The following LCMT1 variants were observed in gnomAD, a reference collection of about 807,000 sequenced individuals.
LCMT1 encodes [Phosphatase 2A protein]-leucine-carboxy methyltransferase 1.
LCMT1 carries 32 observed loss-of-function variants against 47.7 expected under a neutral mutation model. The observed-to-expected ratio is 0.67, with a 90% confidence interval of 0.51 to 0.90. The LOEUF (loss-of-function observed/expected upper bound fraction) is 0.90, where lower values mean the gene tolerates loss of function less well. LCMT1 is among the 40% of genes least tolerant of loss of function. The probability of loss-of-function intolerance (pLI) is 0.00; values close to 1 mark genes in which losing one functional copy is unlikely to be tolerated. For synonymous variants in LCMT1, 152 were observed against 149.7 expected, an observed-to-expected ratio of 1.02 and a Z score of -0.11; for missense variants, 375 against 415.2, an observed-to-expected ratio of 0.90 and a Z score of 0.84.
chr16:25,162,544 A>C (rs1440968211), intron 6 of LCMT1, among the ~76,000 whole-genome samples: 1 of 151,106 alleles, frequency 6.6e-6, no homozygotes, highest in Non-Finnish European at 1.5e-5. Context: ...AGCCAAGATC[A>C]TGACATCGAA....
intron 10 of LCMT1, among the ~76,000 whole-genome samples, chr16:25,175,502 G>A (rs1261679645): frequency 6.6e-6 from 1 of 151,736 alleles, no homozygotes; most frequent in African/African-American, 2.4e-5. Context: ...CGTGGTGGCA[G>A]GCACCTGTAA....
At chr16:25,124,300 A>G (rs1960090881) in intron 1 of LCMT1, among the ~76,000 whole-genome samples, 2 of 152,232 alleles carry the variant, frequency 1.3e-5, no homozygotes, top group Non-Finnish European at 2.9e-5. Flanking sequence ...GTATACAGAC[A>G]AACACACACA....
intron 2 of LCMT1, among the ~76,000 whole-genome samples, chr16:25,129,877 C>T (rs1274378642): frequency 6.6e-6 from 1 of 152,160 alleles, no homozygotes; most frequent in African/African-American, 2.4e-5. Flanking sequence ...TGCCCAGTTG[C>T]GCAGCTTGAG....
In LCMT1 at chr16:25,169,078, T is replaced by G. The variant is rs762573267; in HGVS notation, c.691-34T>G. 1.5e-5 allele frequency: 22 copies of G among 1,422,350 alleles called. No individual in the cohort carries two copies. The South Asian group carries it at 2.4e-4, about 16-fold the overall frequency. 88.1% of individuals were successfully genotyped at this position (1,422,350 alleles called of 1,614,324 possible). On this transcript the variant is annotated intron_variant, in intron 7 of 10. Transcript: ENST00000399069. ...TTATTTTGCATATTTAGGAAACCCT[T>G]AGAGTAATATCTTACCTTCTCTTTC...
intron 3 of LCMT1, among the ~76,000 whole-genome samples, chr16:25,134,110 G>A (rs909180616): frequency 1.4e-5 from 2 of 145,456 alleles, no homozygotes; most frequent in African/African-American, 5.1e-5. Flanking sequence ...TGGTTCTTCT[G>A]TCAGGTCCGT....
intron 7 of LCMT1, among the ~76,000 whole-genome samples, 168 bp from the exon 8 acceptor site, chr16:25,168,944 A>G (rs547719091): frequency 2.1e-4 from 32 of 152,246 alleles, no homozygotes; most frequent in African/African-American, 7.2e-4. Flanking sequence ...ACCCAAGTTT[A>G]TGCTCCCGCC....
chr16:25,135,001 G>C (rs1052127936), intron 3 of LCMT1, among the ~76,000 whole-genome samples: 1 of 152,138 alleles, frequency 6.6e-6, no homozygotes, highest in African/African-American at 2.4e-5. Context: ...TTAACAGGCC[G>C]CTGGAGAGAT....
At chr16:25,141,597 T>C (rs277906) in intron 4 of LCMT1, 34,697 of 152,170 alleles carry the variant, frequency 0.23, 4,076 homozygotes, top group East Asian at 0.34. Context: ...GCTCAAACGA[T>C]CCACCCACCT....
chr16:25,125,875 T>C, intron 1 of LCMT1: 1 of 283,954 alleles, frequency 3.5e-6, no homozygotes, highest in Non-Finnish European at 5.4e-6. Context: ...ATAATAATAG[T>C]TTTGTTGCCA....
chr16:25,113,485 C>T (rs534619698), intron 1 of LCMT1, among the ~76,000 whole-genome samples: 4 of 152,264 alleles, frequency 2.6e-5, no homozygotes, highest in South Asian at 2.1e-4. Context: ...AGTATAATAA[C>T]GCATCATAGG....
intron 10 of LCMT1, among the ~76,000 whole-genome samples, chr16:25,177,252 C>T (rs1020478822): frequency 1.3e-5 from 2 of 151,896 alleles, no homozygotes; most frequent in Non-Finnish European, 2.9e-5. Context: ...AAAAATACTT[C>T]TTAGTAGGAA....
chr16:25,132,348 A>C, intron 2 of LCMT1, 54 bp from the exon 3 acceptor site: 2 of 1,605,002 alleles, frequency 1.2e-6, no homozygotes, highest in South Asian at 2.2e-5. Context: ...TCACAGGGAT[A>C]ATTTCTGTCA....
intron 1 of LCMT1, among the ~76,000 whole-genome samples, chr16:25,112,997 T>C (rs1031499685): frequency 1.3e-5 from 2 of 151,770 alleles, no homozygotes; most frequent in Non-Finnish European, 2.9e-5. Context: ...AAATATTAGC[T>C]GGGTGTGGTG....
chr16:25,124,379 G>A (rs1313897561), intron 1 of LCMT1, among the ~76,000 whole-genome samples: 1 of 152,176 alleles, frequency 6.6e-6, no homozygotes, highest in Non-Finnish European at 1.5e-5. Flanking sequence ...TTTAAATCCA[G>A]GTGAGTAAAT....
chr16:25,174,888 C>T (rs752772107), intron 9 of LCMT1, 49 bp from the exon 10 acceptor site: 6 of 991,494 alleles, frequency 6.1e-6, no homozygotes, highest in Non-Finnish European at 9.0e-6. Context: ...CCATGATCTT[C>T]ATTTTCAATG....
intron 6 of LCMT1, 35 bp downstream of exon 6, chr16:25,161,239 G>A: frequency 8.6e-7 from 1 of 1,167,512 alleles, no homozygotes. Flanking sequence ...TTCTGCATTT[G>A]TGATTTTATG....
At chr16:25,114,485 A>G (rs1325402126) in intron 1 of LCMT1, among the ~76,000 whole-genome samples, 5 of 152,114 alleles carry the variant, frequency 3.3e-5, no homozygotes, top group East Asian at 3.8e-4. Flanking sequence ...ATAGGTATCA[A>G]TTGAGCACTT....
intron 1 of LCMT1, among the ~76,000 whole-genome samples, chr16:25,119,134 G>C (rs925805871): frequency 2.0e-5 from 3 of 152,134 alleles, no homozygotes; most frequent in Non-Finnish European, 4.4e-5. Context: ...CAGATTCTGG[G>C]TGCATTTTGA....
At chr16:25,139,718 G>A (rs942537582) in intron 3 of LCMT1, among the ~76,000 whole-genome samples, 1 of 151,620 alleles carries the variant, frequency 6.6e-6, no homozygotes, top group African/African-American at 2.4e-5. Context: ...TTTTTGCATG[G>A]ACAGGGTCTC....
Sources: allele counts gnomAD v4.1 joint callset (sites outside exome capture counted in the v4.1 genomes callset), GRCh38; gene constraint gnomAD v4.1.1; transcripts MANE v1.5; gene names NCBI Gene and HGNC (gene_info 2026-07-23, HGNC 2026-07-21).